AHI1: variants seen among roughly 807,000 people sequenced by gnomAD.
AHI1 encodes the protein jouberin.
AHI1 carries 123 observed loss-of-function variants against 149.3 expected under a neutral mutation model. The ratio of observed to expected loss-of-function variants is 0.82; its 90% CI spans 0.71 to 0.96. The LOEUF is 0.96. Among genes scored for constraint, AHI1 ranks in the 40% least tolerant of loss-of-function variants. The probability of loss-of-function intolerance (pLI) is 0.00; values close to 1 mark genes in which losing one functional copy is unlikely to be tolerated. For synonymous variants in AHI1, 475 were observed against 459.8 expected (o/e 1.03, Z -0.42); for missense variants, 1,439 against 1,422.7 (o/e 1.01, Z -0.18).
intron 24 of AHI1, among the ~76,000 whole-genome samples, chr6:135,329,336 C>G (rs1306171715): frequency 6.6e-6 from 1 of 152,188 alleles, no homozygotes. Flanking sequence ...GGAACTAATA[C>G]AGCTGGTGAC....
At chr6:135,348,707 T>C (rs971314903) in intron 24 of AHI1, among the ~76,000 whole-genome samples, 6 of 152,182 alleles carry the variant, frequency 3.9e-5, no homozygotes, top group Admixed American at 1.3e-4. Flanking sequence ...AAGGCAGCTA[T>C]TAACACAGTT....
At chr6:135,398,058 G>C (rs867739810) in intron 22 of AHI1, among the ~76,000 whole-genome samples, 1 of 88,428 alleles carries the variant, frequency 1.1e-5, no homozygotes, top group African/African-American at 4.3e-5. Flanking sequence ...TACCCAGGAT[G>C]TTTTTTTTTT....
intron 24 of AHI1, among the ~76,000 whole-genome samples, chr6:135,325,337 A>C (rs574747811): frequency 6.6e-6 from 1 of 152,284 alleles, no homozygotes; most frequent in Non-Finnish European, 1.5e-5. Flanking sequence ...ACAAGTTATA[A>C]TTTTAGTATA....
chr6:135,378,104 T>C (rs989568641), intron 23 of AHI1, among the ~76,000 whole-genome samples: 13 of 152,204 alleles, frequency 8.5e-5, no homozygotes, highest in African/African-American at 3.1e-4. Flanking sequence ...TTTATTAGTA[T>C]AATATGCCCT....
intron 10 of AHI1, among the ~76,000 whole-genome samples, chr6:135,454,739 T>C (rs899519007): frequency 7.9e-5 from 12 of 152,262 alleles, no homozygotes; most frequent in East Asian, 1.9e-4. Flanking sequence ...AATACTAAAA[T>C]GAATACAGAA....
intron 28 of AHI1, among the ~76,000 whole-genome samples, chr6:135,289,114 GTCCTGTGTATA>G (rs1363125734): frequency 6.7e-6 from 1 of 148,628 alleles, no homozygotes; most frequent in Non-Finnish European, 1.5e-5. Context: ...CTTTAAGAAT[GTCCTGTGTATA>G]TCTTTGTCCC....
intron 23 of AHI1, among the ~76,000 whole-genome samples, chr6:135,359,501 T>A (rs1449995578): frequency 1.3e-5 from 2 of 152,232 alleles, no homozygotes; most frequent in African/African-American, 2.4e-5. Flanking sequence ...TAATTTTTTT[T>A]CAAAGGGTAC....
intron 23 of AHI1, among the ~76,000 whole-genome samples, chr6:135,374,104 ATATATTTTTTTT>A (rs1184829461): frequency 8.1e-4 from 26 of 32,084 alleles, no homozygotes; most frequent in African/African-American, 3.1e-3. Flanking sequence ...ATATATATAT[ATATATTTTTTTT>A]TTTTTTTTTT....
chr6:135,320,319 T>G (rs1216853917), intron 25 of AHI1, among the ~76,000 whole-genome samples: 1 of 152,160 alleles, frequency 6.6e-6, no homozygotes, highest in African/African-American at 2.4e-5. Flanking sequence ...CAATAAGGAA[T>G]TATGGCAGTT....
chr6:135,352,809 G>A (rs1199253100), intron 24 of AHI1, among the ~76,000 whole-genome samples: 7 of 90,262 alleles, frequency 7.8e-5, no homozygotes, highest in African/African-American at 2.9e-4. Flanking sequence ...CATGTTTTGT[G>A]GGTTTTTTTT....
chr6:135,448,961 T>G (rs1787672929), intron 11 of AHI1, among the ~76,000 whole-genome samples: 1 of 152,226 alleles, frequency 6.6e-6, no homozygotes, highest in Non-Finnish European at 1.5e-5. Flanking sequence ...CGTTACATTT[T>G]TTTCAGTATT....
intron 4 of AHI1, 140 bp downstream of exon 4, chr6:135,492,088 A>G (rs1795329932): frequency 1.9e-6 from 1 of 532,112 alleles, no homozygotes; most frequent in East Asian, 3.3e-5. Context: ...AAAACCAATA[A>G]GTATCTCTAA....
intron 22 of AHI1, among the ~76,000 whole-genome samples, chr6:135,399,594 C>G (rs1436025073): frequency 6.6e-6 from 1 of 152,144 alleles, no homozygotes; most frequent in East Asian, 1.9e-4. Flanking sequence ...CTGAGCTCCT[C>G]TTCTTCCTTC....
intron 23 of AHI1, among the ~76,000 whole-genome samples, chr6:135,358,629 T>A (rs1203269582): frequency 6.6e-6 from 1 of 152,246 alleles, no homozygotes; most frequent in African/African-American, 2.4e-5. Context: ...AATTTCTCTT[T>A]GATCATCTGA....
chr6:135,371,063 C>G (rs2128456151), intron 23 of AHI1, among the ~76,000 whole-genome samples: 1 of 152,222 alleles, frequency 6.6e-6, no homozygotes, highest in South Asian at 2.1e-4. Flanking sequence ...TTTCTCTATT[C>G]TTTTTATATA....
intron 22 of AHI1, among the ~76,000 whole-genome samples, chr6:135,396,092 A>C (rs1779175273): frequency 6.6e-6 from 1 of 151,814 alleles, no homozygotes; most frequent in South Asian, 2.1e-4. Flanking sequence ...TAGCAAATTC[A>C]GTGAAAAAGT....
chr6:135,293,585 A>G (rs1782681763), intron 27 of AHI1, among the ~76,000 whole-genome samples: 1 of 152,192 alleles, frequency 6.6e-6, no homozygotes, highest in African/African-American at 2.4e-5. Flanking sequence ...AGATCAACAT[A>G]CAATAATCAG....
At chr6:135,456,292 G>A (rs555413488) in intron 9 of AHI1, among the ~76,000 whole-genome samples, 63 of 152,322 alleles carry the variant, frequency 4.1e-4, no homozygotes, top group African/African-American at 1.4e-3. Flanking sequence ...TGTAACCCCA[G>A]CACTTTGGGA....
chr6:135,332,719 C>T (rs926043344), intron 24 of AHI1, among the ~76,000 whole-genome samples: 9 of 152,200 alleles, frequency 5.9e-5, no homozygotes, highest in African/African-American at 2.2e-4. Context: ...ATCTTGACAA[C>T]AAAAAGTAAC....
Sources: gnomAD v4.1 joint callset for allele counts (sites outside exome capture counted in the v4.1 genomes callset) on GRCh38, gnomAD v4.1.1 for gene constraint, MANE v1.5 for transcripts, NCBI Gene and HGNC (gene_info 2026-07-23, HGNC 2026-07-21) for gene names.